The following NCOA1 variants were observed in gnomAD, a reference collection of about 807,000 sequenced individuals.
NCOA1 encodes nuclear receptor coactivator 1, also known as Hin-2 protein.
In NCOA1, 35 loss-of-function variants were observed where a neutral mutation model predicts 150.9. The observed-to-expected ratio is 0.23, with a 90% confidence interval of 0.18 to 0.31. The LOEUF is 0.31. Among genes scored for constraint, NCOA1 ranks in the 10% least tolerant of loss-of-function variants. NCOA1 has a pLI of 1.00. For synonymous variants in NCOA1, 590 were observed against 630.0 expected, an observed-to-expected ratio of 0.94 and a Z score of 0.95; for missense variants, 1,491 against 1,749.3, an observed-to-expected ratio of 0.85 and a Z score of 2.63.
chr2:24,639,002 A>G (rs1019221909), intron 3 of NCOA1, among the ~76,000 whole-genome samples: 5 of 152,112 alleles, frequency 3.3e-5, no homozygotes, highest in African/African-American at 1.2e-4. Flanking sequence ...GTCTGGATTC[A>G]ATTTGATTTT....
At chr2:24,665,045 A>T (rs1292917948) in intron 5 of NCOA1, among the ~76,000 whole-genome samples, 1 of 152,342 alleles carries the variant, frequency 6.6e-6, no homozygotes, top group South Asian at 2.1e-4. Context: ...ATATTTTTTT[A>T]AAAAGGTGCT....
At position 24,707,083 on chromosome 2, in the gene NCOA1, T is replaced by C. The variant is rs1572621096; in HGVS notation, c.1613T>C (p.Val538Ala). The change falls in exon 13 of 23, where the codon GTA (valine) becomes GCA (alanine). Residue 538 changes from valine to alanine, a missense_variant. Around this residue, in one of 8 missense-constraint regions of NCOA1, gnomAD observed 703 missense variants for 717.7 expected, o/e 0.98. Transcript: ENST00000348332. ...NNNRSYSNIP[V>A]TSLQGMNEGP... ...AACCGATCTTATTCAAACATCCCAG[T>C]AACATCTTTACAGGGTATGAATGAA... The C allele has an allele frequency of 6.2e-7, 1 of 1,614,214 alleles. No individual in the cohort carries two copies.
chr2:24,704,022 A>G (rs1673293101), intron 11 of NCOA1, among the ~76,000 whole-genome samples: 1 of 152,162 alleles, frequency 6.6e-6, no homozygotes. Context: ...TACTTACATG[A>G]TTAGAATTTT....
intron 1 of NCOA1, among the ~76,000 whole-genome samples, chr2:24,537,416 A>G (rs1665200768): frequency 1.3e-5 from 2 of 152,022 alleles, no homozygotes; most frequent in South Asian, 2.1e-4. Context: ...GGGAGATTAT[A>G]TATATATGTG....
chr2:24,520,676 TGTG>T (rs894321681), intron 1 of NCOA1, among the ~76,000 whole-genome samples: 3 of 152,208 alleles, frequency 2.0e-5, no homozygotes, highest in African/African-American at 7.2e-5. Context: ...TTATCTGGAT[TGTG>T]GTGATGGTTT....
chr2:24,716,400 C>G (rs1674046077), intron 14 of NCOA1, among the ~76,000 whole-genome samples: 1 of 151,972 alleles, frequency 6.6e-6, no homozygotes, highest in South Asian at 2.1e-4. Flanking sequence ...AACAGACCCA[C>G]ATTTATATGG....
At chr2:24,554,858 C>G (rs1299538989) in intron 1 of NCOA1, among the ~76,000 whole-genome samples, 1 of 152,016 alleles carries the variant, frequency 6.6e-6, no homozygotes, top group East Asian at 1.9e-4. Flanking sequence ...GCTGAGAGCC[C>G]CAAAATGAAA....
chr2:24,514,138 A>G (rs1038394714), intron 1 of NCOA1, among the ~76,000 whole-genome samples: 1 of 151,930 alleles, frequency 6.6e-6, no homozygotes, highest in Admixed American at 6.6e-5. Context: ...AATACAAAAA[A>G]TTAGCCGGGT....
intron 4 of NCOA1, among the ~76,000 whole-genome samples, chr2:24,648,099 C>A (rs1241067155): frequency 6.6e-6 from 1 of 151,876 alleles, no homozygotes; most frequent in African/African-American, 2.4e-5. Flanking sequence ...GATATTGATG[C>A]TATTTAACCA....
intron 1 of NCOA1, among the ~76,000 whole-genome samples, chr2:24,516,966 G>GTATATGTGTA (rs1664212262): frequency 1.2e-5 from 1 of 84,488 alleles, no homozygotes; most frequent in Non-Finnish European, 2.4e-5. Flanking sequence ...GTATATATAC[G>GTATATGTGTA]TATATATACA....
intron 4 of NCOA1, among the ~76,000 whole-genome samples, chr2:24,655,131 C>T (rs189993272): frequency 9.2e-5 from 14 of 152,256 alleles, no homozygotes; most frequent in South Asian, 2.1e-4. Flanking sequence ...ATCTCTAGTG[C>T]GTAGAACAGA....
chr2:24,522,441 G>C (rs1664454270), intron 1 of NCOA1, among the ~76,000 whole-genome samples: 1 of 152,094 alleles, frequency 6.6e-6, no homozygotes, highest in Non-Finnish European at 1.5e-5. Context: ...TTGCCCTCAA[G>C]GAACTCTCCA....
chr2:24,519,853 A>C (rs1042171933), intron 1 of NCOA1, among the ~76,000 whole-genome samples: 9 of 152,156 alleles, frequency 5.9e-5, no homozygotes, highest in Non-Finnish European at 1.2e-4. Flanking sequence ...GTTGAGAAAA[A>C]AATATTTGTA....
At chr2:24,621,600 T>C (rs1201621365) in intron 3 of NCOA1, among the ~76,000 whole-genome samples, 1 of 151,884 alleles carries the variant, frequency 6.6e-6, no homozygotes. Context: ...TGCCTCAGCC[T>C]CCTGAGTAGC....
At chr2:24,745,323 G>A (rs1435726404) in intron 19 of NCOA1, among the ~76,000 whole-genome samples, 5 of 151,656 alleles carry the variant, frequency 3.3e-5, no homozygotes, top group African/African-American at 1.2e-4. Flanking sequence ...TACCACGCCC[G>A]GCTAATTTTT....
intron 19 of NCOA1, among the ~76,000 whole-genome samples, chr2:24,750,766 C>G (rs1664183155): frequency 6.6e-6 from 1 of 151,894 alleles, no homozygotes. Flanking sequence ...GGCGGCACAA[C>G]TCTATAAGGG....
intron 3 of NCOA1, among the ~76,000 whole-genome samples, chr2:24,606,947 A>G (rs1267784361): frequency 6.6e-6 from 1 of 152,222 alleles, no homozygotes; most frequent in Non-Finnish European, 1.5e-5. Context: ...CCTTGGAATC[A>G]GATAAGGCAT....
At chr2:24,577,688 A>C (rs1309316241) in intron 2 of NCOA1, among the ~76,000 whole-genome samples, 1 of 152,220 alleles carries the variant, frequency 6.6e-6, no homozygotes, top group African/African-American at 2.4e-5. Flanking sequence ...ATTGATATCC[A>C]GCACTTGGGT....
intron 14 of NCOA1, among the ~76,000 whole-genome samples, chr2:24,716,840 A>G (rs761435983): frequency 6.6e-5 from 10 of 152,232 alleles, no homozygotes; most frequent in Non-Finnish European, 1.2e-4. Flanking sequence ...GGAAGAAATT[A>G]TATTCTCTCT....
Sources: gnomAD v4.1 joint callset for allele counts (sites outside exome capture counted in the v4.1 genomes callset) on GRCh38, gnomAD v4.1.1 for gene constraint, gnomAD v4.1.1 regional missense constraint, MANE v1.5 for transcripts, NCBI Gene and HGNC (gene_info 2026-07-23, HGNC 2026-07-21) for gene names.